Variants in STT3B observed in about 807,000 individuals in gnomAD.
STT3B encodes dolichyl-diphosphooligosaccharide--protein glycosyltransferase subunit STT3B.
In STT3B, 29 loss-of-function variants were observed where a neutral mutation model predicts 96.8. The observed-to-expected ratio is 0.30, with a 90% CI of 0.22 to 0.41. STT3B has a LOEUF of 0.41. STT3B is among the 10% of genes least tolerant of loss of function. The pLI, the probability that STT3B is intolerant of heterozygous loss-of-function variation, is 1.00. For synonymous variants in STT3B, 367 were observed against 360.0 expected, an observed-to-expected ratio of 1.02 and a Z score of -0.22; for missense variants, 640 against 1,022.3, an observed-to-expected ratio of 0.63 and a Z score of 5.10.
chr3:31,546,704 G>A (rs1232874922), intron 1 of STT3B, among the ~76,000 whole-genome samples: 2 of 152,112 alleles, frequency 1.3e-5, no homozygotes, highest in South Asian at 2.1e-4. Context: ...CTCTCCCAAA[G>A]TTTTAGACTG....
intron 1 of STT3B, among the ~76,000 whole-genome samples, chr3:31,573,529 G>C: frequency 6.6e-6 from 1 of 152,138 alleles, no homozygotes; most frequent in East Asian, 1.9e-4. Context: ...TAGGATGTGA[G>C]AGAGAAGGAA....
chr3:31,587,434 G>T (rs753490767), intron 3 of STT3B, among the ~76,000 whole-genome samples: 8 of 151,792 alleles, frequency 5.3e-5, no homozygotes, highest in African/African-American at 1.2e-4. Context: ...AAATTAGATG[G>T]GTTCTCCTTA....
At chr3:31,631,206 A>G (rs114402605) in intron 14 of STT3B, among the ~76,000 whole-genome samples, 1,674 of 152,332 alleles carry the variant, frequency 0.011, 14 homozygotes, top group Non-Finnish European at 0.019. Context: ...TGTTGCTTCA[A>G]GTAATTCCAA....
At chr3:31,553,138 G>T (rs1697612715) in intron 1 of STT3B, among the ~76,000 whole-genome samples, 1 of 151,874 alleles carries the variant, frequency 6.6e-6, no homozygotes, top group Non-Finnish European at 1.5e-5. Context: ...AACTTGATAG[G>T]GAGGAACTGG....
chr3:31,629,212 T>C, intron 13 of STT3B, 86 bp from the exon 14 acceptor site: 1 of 774,658 alleles, frequency 1.3e-6, no homozygotes, highest in South Asian at 1.6e-5. Flanking sequence ...CAGAAGCTTA[T>C]TCTTACAGGG....
chr3:31,627,356 G>A (rs1379045105), intron 13 of STT3B, among the ~76,000 whole-genome samples: 6 of 152,172 alleles, frequency 3.9e-5, no homozygotes, highest in African/African-American at 1.4e-4. Context: ...ATCTGAGGGG[G>A]AACAGTTTCA....
chr3:31,565,498 C>T (rs1160410503), intron 1 of STT3B, among the ~76,000 whole-genome samples: 4 of 152,000 alleles, frequency 2.6e-5, no homozygotes, highest in Admixed American at 2.6e-4. Context: ...AACTAAACTT[C>T]GGAGAAGTAA....
At chr3:31,542,166 G>T (rs1217109683) in intron 1 of STT3B, among the ~76,000 whole-genome samples, 1 of 152,172 alleles carries the variant, frequency 6.6e-6, no homozygotes, top group Non-Finnish European at 1.5e-5. Flanking sequence ...TCTTTAAGGA[G>T]ACAAATGATA....
chr3:31,543,613 A>G (rs1258322066), intron 1 of STT3B, among the ~76,000 whole-genome samples: 6 of 152,244 alleles, frequency 3.9e-5, no homozygotes, highest in Non-Finnish European at 7.3e-5. Context: ...CAGTAAGATC[A>G]CATGTGCAGT....
At chr3:31,586,364 C>T (rs550883999) in intron 3 of STT3B, among the ~76,000 whole-genome samples, 1 of 152,064 alleles carries the variant, frequency 6.6e-6, no homozygotes, top group South Asian at 2.1e-4. Flanking sequence ...CAAACATTTT[C>T]TCTAGTCTCT....
chr3:31,550,519 C>G (rs777529774), intron 1 of STT3B, among the ~76,000 whole-genome samples: 39 of 152,158 alleles, frequency 2.6e-4, no homozygotes, highest in Non-Finnish European at 4.7e-4. Context: ...GGTGGTATGA[C>G]ATTTGTGAGT....
chr3:31,534,637 T>C (rs1253930112), intron 1 of STT3B, among the ~76,000 whole-genome samples: 1 of 152,194 alleles, frequency 6.6e-6, no homozygotes, highest in Non-Finnish European at 1.5e-5. Context: ...TATAGTAATA[T>C]ACCAGATTTA....
chr3:31,559,151 GTGTGTGT>G (rs2125443803), intron 1 of STT3B, among the ~76,000 whole-genome samples: 1 of 58,146 alleles, frequency 1.7e-5, no homozygotes, highest in African/African-American at 1.3e-4. Context: ...CTTGGGGTGT[GTGTGTGT>G]GTGTGTGTGT....
rs1351265903 is a variant in STT3B, at chr3:31,617,307, T to G, written c.1123+232T>G. ...CCAAACTATAAAAAGAAAAAAAAAATCAGAGCTTCTGTTATTTACCTGTTA... is the reference window on the plus strand; with the variant it reads ...CCAAACTATAAAAAGAAAAAAAAAAGCAGAGCTTCTGTTATTTACCTGTTA... On this transcript the variant is annotated intron_variant, in intron 7 of 15. Coordinates refer to ENST00000295770, the MANE Select transcript of STT3B (RefSeq NM_178862.3). Among the ~76,000 whole-genome samples, 5 of 148,322 alleles carry G rather than the reference T, an allele frequency of 3.4e-5. No individual in the cohort carries two copies. The East Asian group carries it at 5.9e-4, about 18-fold the overall frequency.
chr3:31,601,906 T>A (rs1305397880), intron 5 of STT3B, among the ~76,000 whole-genome samples: 1 of 152,206 alleles, frequency 6.6e-6, no homozygotes, highest in Non-Finnish European at 1.5e-5. Flanking sequence ...ACATAATAAT[T>A]TGCTAAAGAT....
At chr3:31,553,394 A>G (rs1017181683) in intron 1 of STT3B, among the ~76,000 whole-genome samples, 4 of 152,218 alleles carry the variant, frequency 2.6e-5, no homozygotes, top group African/African-American at 4.8e-5. Context: ...CAGAAGGGGA[A>G]TGGATTGTAG....
chr3:31,551,418 T>C (rs1272253137), intron 1 of STT3B, among the ~76,000 whole-genome samples: 8 of 152,096 alleles, frequency 5.3e-5, no homozygotes, highest in Admixed American at 5.2e-4. Flanking sequence ...GGTTTTGCCA[T>C]GTTGCCCAGG....
chr3:31,589,562 C>T (rs954464624), intron 3 of STT3B, among the ~76,000 whole-genome samples: 1 of 151,854 alleles, frequency 6.6e-6, no homozygotes, highest in Admixed American at 6.6e-5. Context: ...GGAGTCTGTT[C>T]TGTTCCATTG....
At chr3:31,607,902 A>C (rs1448557919) in intron 5 of STT3B, among the ~76,000 whole-genome samples, 2 of 152,084 alleles carry the variant, frequency 1.3e-5, no homozygotes, top group Non-Finnish European at 2.9e-5. Flanking sequence ...GCCCAGCAGC[A>C]TTTTATTTAA....
Sources: gnomAD v4.1 joint callset for allele counts (sites outside exome capture counted in the v4.1 genomes callset) on GRCh38, gnomAD v4.1.1 for gene constraint, MANE v1.5 for transcripts, NCBI Gene and HGNC (gene_info 2026-07-23, HGNC 2026-07-21) for gene names.